CDH4: variants seen among roughly 807,000 people sequenced by gnomAD.
CDH4 encodes cadherin-4.
In CDH4, 33 loss-of-function variants were observed where a neutral mutation model predicts 86.0. That is an observed-to-expected ratio of 0.38 (90% CI 0.29 to 0.51). CDH4 has a LOEUF of 0.51. Among genes scored for constraint, CDH4 ranks in the 20% least tolerant of loss-of-function variants. CDH4 has a pLI of 0.86. For missense variants in CDH4, 1,114 were observed against 1,307.4 expected (o/e 0.85, Z 2.28); for synonymous variants, 555 against 549.4 (o/e 1.01, Z -0.14).
chr20:61,792,241 G>T (rs115034250), intron 4 of CDH4, among the ~76,000 whole-genome samples: 58 of 152,256 alleles, frequency 3.8e-4, no homozygotes, highest in African/African-American at 1.3e-3. Flanking sequence ...CATCGAGGCT[G>T]GCTCCTGGGT....
Position 61,814,615 on chromosome 20 carries a change from G to A in CDH4, c.577-30053G>A, listed in dbSNP as rs567882932. 2.8e-4 allele frequency among the ~76,000 whole-genome samples: 42 copies of A among 152,350 alleles called. No individual in the cohort carries two copies. In the South Asian group the frequency reaches 4.3e-3, roughly 16 times the overall value. The stretch of plus-strand genomic sequence containing the variant: ...TGCAGCGATGTGGAAATGGACCCCC[G>A]TTAAAGGAATAGATCCACTAAATAC... On this transcript the variant is annotated intron_variant, in intron 4 of 15. Coordinates refer to ENST00000614565, the MANE Select transcript of CDH4 (RefSeq NM_001794.5).
intron 2 of CDH4, chr20:61,718,796 G>A (rs751001745): frequency 5.5e-5 from 26 of 471,104 alleles, no homozygotes; most frequent in Admixed American, 1.2e-4. Context: ...CACCAGCTGC[G>A]GAGGAGGCTG....
chr20:61,567,451 G>T (rs978166479), intron 2 of CDH4, among the ~76,000 whole-genome samples: 1 of 152,212 alleles, frequency 6.6e-6, no homozygotes, highest in African/African-American at 2.4e-5. Context: ...ATGGCAAGGG[G>T]AGAGGGATCT....
intron 4 of CDH4, among the ~76,000 whole-genome samples, chr20:61,824,090 G>A (rs1403737431): frequency 6.6e-6 from 1 of 152,130 alleles, no homozygotes; most frequent in African/African-American, 2.4e-5. Context: ...AGAGCAACAG[G>A]CTCCCTGGAA....
intron 2 of CDH4, among the ~76,000 whole-genome samples, chr20:61,334,089 A>G (rs1221280973): frequency 3.3e-5 from 5 of 152,290 alleles, no homozygotes; most frequent in African/African-American, 1.2e-4. Flanking sequence ...GGTCACCCCA[A>G]GAGGGCCTGG....
chr20:61,345,263 G>C (rs974897764), intron 2 of CDH4, among the ~76,000 whole-genome samples: 1 of 152,192 alleles, frequency 6.6e-6, no homozygotes, highest in Non-Finnish European at 1.5e-5. Context: ...CAGGGAAATC[G>C]AGAGTGACAA....
intron 2 of CDH4, among the ~76,000 whole-genome samples, chr20:61,431,960 T>G (rs1024586738): frequency 3.9e-5 from 6 of 152,180 alleles, no homozygotes; most frequent in Non-Finnish European, 7.3e-5. Flanking sequence ...TTGAGCTCTG[T>G]CCGCGTCATT....
intron 2 of CDH4, among the ~76,000 whole-genome samples, chr20:61,399,365 C>G (rs1220388735): frequency 2.2e-5 from 1 of 45,900 alleles, no homozygotes; most frequent in Non-Finnish European, 4.1e-5. Context: ...ATCTCCTGAC[C>G]TCATGATCCA....
intron 2 of CDH4, among the ~76,000 whole-genome samples, chr20:61,552,274 A>G (rs143176260): frequency 1.3e-5 from 2 of 152,388 alleles, no homozygotes; most frequent in East Asian, 3.9e-4. Context: ...ACAACTTAAT[A>G]AAAAACACAA....
chr20:61,807,755 GC>G lies in CDH4; in HGVS notation c.576+34576del, dbSNP rs1980213970. On this transcript the variant is annotated intron_variant, in intron 4 of 15. Transcript: ENST00000614565. The surrounding 1 kb of genome is among the most constrained non-coding windows in gnomAD (Gnocchi z 4.5). The stretch of plus-strand genomic sequence containing the variant: ...GGAAAATGCCTGGCGCCAGTAGGAG[GC>G]CCAGCTAGCTGGGAGTTCTGAAATA... Among the ~76,000 whole-genome samples the G allele has an allele frequency of 6.6e-6, 1 of 152,242 alleles. No homozygotes were observed. The highest frequency in any genetic ancestry group is 1.5e-5 in the Non-Finnish European group (1 of 68,046).
At position 61,929,709 on chromosome 20, in the gene CDH4, C is replaced by G; in HGVS notation, c.2106C>G (p.Asn702Lys). 4 of 1,614,204 alleles carry G rather than the reference C, an allele frequency of 2.5e-6. No individual in the cohort carries two copies. The highest frequency in any genetic ancestry group is 3.4e-6 in the Non-Finnish European group (4 of 1,180,038). ...VTDSGNPPLS[N>K]TSIIKVKVCP... ...ACTCTGGAAACCCTCCCCTGTCCAACACGTCCATCATCAAAGTCAAGGTGT... is the reference window on the plus strand; with the variant it reads ...ACTCTGGAAACCCTCCCCTGTCCAAGACGTCCATCATCAAAGTCAAGGTGT... Residue 702 changes from asparagine (N) to lysine (K), a missense_variant, in exon 13 of 16, where the codon AAC (asparagine) becomes AAG (lysine). By Grantham distance (94) the Asn-to-Lys change is moderately conservative. Transcript: ENST00000614565.
chr20:61,584,617 A>G (rs575418451), intron 2 of CDH4, among the ~76,000 whole-genome samples: 6 of 152,314 alleles, frequency 3.9e-5, no homozygotes, highest in African/African-American at 1.4e-4. Flanking sequence ...CCTCGGTTGA[A>G]TAAATGCATG....
At chr20:61,894,673 A>C (rs563314129) in intron 7 of CDH4, among the ~76,000 whole-genome samples, 2 of 152,264 alleles carry the variant, frequency 1.3e-5, no homozygotes, top group African/African-American at 4.8e-5. Context: ...ATGAAAACAC[A>C]GGCAAACCTC....
intron 2 of CDH4, among the ~76,000 whole-genome samples, chr20:61,359,828 A>G (rs1300913099): frequency 6.6e-6 from 1 of 152,212 alleles, no homozygotes; most frequent in Non-Finnish European, 1.5e-5. Flanking sequence ...TGGCAGTTTA[A>G]AGAGAGAGGC....
At chr20:61,860,079 A>G (rs1325435100) in intron 6 of CDH4, among the ~76,000 whole-genome samples, 1 of 152,258 alleles carries the variant, frequency 6.6e-6, no homozygotes, top group Middle Eastern at 3.2e-3. Flanking sequence ...GCAGGCGTCT[A>G]TGTGGCTCCC....
chr20:61,751,450 A>AT (rs1289605329), intron 3 of CDH4, among the ~76,000 whole-genome samples: 2 of 152,238 alleles, frequency 1.3e-5, no homozygotes, highest in Non-Finnish European at 1.5e-5. Context: ...AGAAAAAGAC[A>AT]TGTAATGTGT....
chr20:61,392,441 C>A lies in CDH4; in HGVS notation c.169+137504C>A, dbSNP rs573998250. Among the ~76,000 whole-genome samples, 1 of 152,208 alleles carries A rather than the reference C, an allele frequency of 6.6e-6. No individual in the cohort carries two copies. Among genetic ancestry groups the A allele is most frequent in the South Asian group, 2.1e-4 (1 of 4,800 alleles). ...ACGTGATTTTCCAGAGAACTGAGTT[C>A]CTTGAATATTAAAATTAACCTTTTT... is the stretch of plus-strand genomic sequence containing the variant. On this transcript the variant is annotated intron_variant, in intron 2 of 15. Coordinates refer to ENST00000614565, the MANE Select transcript of CDH4 (RefSeq NM_001794.5). This position sits in a 1 kb window ranked among gnomAD's most constrained non-coding sequence, Gnocchi z 5.7.
intron 3 of CDH4, among the ~76,000 whole-genome samples, chr20:61,747,414 C>T (rs1171245460): frequency 2.0e-5 from 3 of 148,202 alleles, no homozygotes; most frequent in Non-Finnish European, 3.0e-5. Context: ...CCACCGCACT[C>T]CAGCCTAGGC....
intron 8 of CDH4, among the ~76,000 whole-genome samples, chr20:61,896,628 C>T (rs1985135543): frequency 6.6e-6 from 1 of 152,252 alleles, no homozygotes; most frequent in South Asian, 2.1e-4. Context: ...TGCAACAGCT[C>T]TCATACAATT....
Sources: allele counts gnomAD v4.1 joint callset (sites outside exome capture counted in the v4.1 genomes callset), GRCh38; gene constraint gnomAD v4.1.1; non-coding constraint Gnocchi (gnomAD v3.1); transcripts MANE v1.5; gene names NCBI Gene and HGNC (gene_info 2026-07-23, HGNC 2026-07-21).